Variants in FGD5 observed in about 807,000 individuals in gnomAD.
The protein encoded by FGD5 is FYVE, RhoGEF and PH domain-containing protein 5.
FGD5 carries 28 observed loss-of-function variants against 133.4 expected under a neutral mutation model. The observed-to-expected ratio is 0.21, with a 90% CI of 0.16 to 0.29. The LOEUF (loss-of-function observed/expected upper bound fraction) is 0.29, where lower values mean the gene tolerates loss of function less well. Ranked by LOEUF, FGD5 falls within the 10% of genes least tolerant of loss-of-function variation. The pLI is 1.00. For synonymous variants in FGD5, 810 were observed against 776.5 expected (o/e 1.04, Z -0.72); for missense variants, 1,858 against 1,895.2 (o/e 0.98, Z 0.36).
At chr3:14,874,542 G>A (rs1028690981) in intron 2 of FGD5, among the ~76,000 whole-genome samples, 4 of 152,086 alleles carry the variant, frequency 2.6e-5, no homozygotes, top group African/African-American at 9.7e-5. Flanking sequence ...GTAGAATAGT[G>A]GTTGCCGGGG....
At chr3:14,919,726 T>C (rs1393042781) in intron 13 of FGD5, among the ~76,000 whole-genome samples, 1 of 152,224 alleles carries the variant, frequency 6.6e-6, no homozygotes, top group Non-Finnish European at 1.5e-5. Flanking sequence ...AGGCACTGAC[T>C]GATTCGGTGT....
At chr3:14,911,286 CG>C (rs913958731) in intron 11 of FGD5, among the ~76,000 whole-genome samples, 3 of 152,144 alleles carry the variant, frequency 2.0e-5, no homozygotes, top group Non-Finnish European at 4.4e-5. Context: ...AGGAGCCAAG[CG>C]TTGTGACCCA....
intron 2 of FGD5, among the ~76,000 whole-genome samples, chr3:14,869,582 A>G (rs908353975): frequency 2.0e-5 from 3 of 152,084 alleles, no homozygotes; most frequent in African/African-American, 7.2e-5. Context: ...TGCCCCCTTT[A>G]GACACTGACT....
In FGD5 at chr3:14,880,792, T is replaced by C. The variant is rs777631192; in HGVS notation, c.2748+20T>C. On this transcript the variant is annotated intron_variant, in intron 4 of 19. Coordinates refer to ENST00000285046, the MANE Select transcript of FGD5 (RefSeq NM_152536.4). The stretch of plus-strand genomic sequence containing the variant: ...AATCTGGTGAGTTAATCATTTTAAT[T>C]GTCCAAAACTAATTGCCCTTTTACA... 6.2e-7 allele frequency: 1 copy of C among 1,612,398 alleles called. No homozygotes were observed. Among genetic ancestry groups the C allele is most frequent in the South Asian group, 1.1e-5 (1 of 90,518 alleles).
chr3:14,897,709 A>C, intron 5 of FGD5, 40 bp downstream of exon 5: 1 of 1,558,046 alleles, frequency 6.4e-7, no homozygotes, highest in Non-Finnish European at 8.7e-7. Context: ...CTTTTGTTGC[A>C]CTGGGGGAAT....
In FGD5 at chr3:14,821,001, G is replaced by A. The variant is rs761061123; in HGVS notation, c.1930G>A (p.Asp644Asn). The change falls in exon 1 of 20, where the codon GAC becomes AAC. Residue 644 changes from aspartate to asparagine, a missense_variant. Asp to Asn is a conservative substitution (Grantham distance 23). Coordinates refer to ENST00000285046, the MANE Select transcript of FGD5 (RefSeq NM_152536.4). The part of the protein sequence containing the change: ...PSLLIESDSP[D>N]KYKKKKSSFK... ...ACTCCTGATCGAGAGCGACTCCCCGGACAAGTACAAGAAGAAGAAGTCATC... is the reference window on the plus strand; with the variant it reads ...ACTCCTGATCGAGAGCGACTCCCCGAACAAGTACAAGAAGAAGAAGTCATC... 21 of 1,613,718 alleles carry A rather than the reference G, an allele frequency of 1.3e-5. No homozygotes were observed. The highest frequency in any genetic ancestry group is 1.7e-5 in the Non-Finnish European group (20 of 1,179,880).
At chr3:14,836,054 G>C (rs1448936357) in intron 1 of FGD5, among the ~76,000 whole-genome samples, 1 of 152,210 alleles carries the variant, frequency 6.6e-6, no homozygotes. Flanking sequence ...TAGCTGGCAG[G>C]TGGCAGAGTC....
intron 2 of FGD5, among the ~76,000 whole-genome samples, chr3:14,866,767 T>A (rs1188524120): frequency 6.6e-6 from 1 of 152,222 alleles, no homozygotes; most frequent in African/African-American, 2.4e-5. Context: ...CAGCCGGGAC[T>A]CAGCAGTGAC....
intron 2 of FGD5, among the ~76,000 whole-genome samples, chr3:14,874,932 C>A: frequency 6.6e-6 from 1 of 152,204 alleles, no homozygotes. Flanking sequence ...CTCCTTCTCC[C>A]CTCGCTTGTC....
At chr3:14,902,815 C>T (rs1477626449) in intron 9 of FGD5, among the ~76,000 whole-genome samples, 1 of 152,202 alleles carries the variant, frequency 6.6e-6, no homozygotes, top group Non-Finnish European at 1.5e-5. Flanking sequence ...GCCTCTGCTT[C>T]CAGAGAGAAA....
Position 14,820,046 on chromosome 3 carries a change from C to T in FGD5, c.975C>T (p.Cys325=). Residue 325 remains cysteine (C), a synonymous_variant, in exon 1 of 20, where the codon TGC becomes TGT. Coordinates refer to ENST00000285046, the MANE Select transcript of FGD5 (RefSeq NM_152536.4). The part of the protein sequence containing the change: ...HAQDESAEES[C]QIVPFENDCM... Reference sequence around the variant, plus strand: ...AGGATGAGTCCGCCGAGGAGAGCTGCCAGATTGTCCCTTTTGAGAATGACT... The same window carrying T: ...AGGATGAGTCCGCCGAGGAGAGCTGTCAGATTGTCCCTTTTGAGAATGACT... The T allele has an allele frequency of 6.2e-7, 1 of 1,614,032 alleles. No homozygotes were observed. The highest frequency in any genetic ancestry group is 8.5e-7 in the Non-Finnish European group (1 of 1,179,888).
intron 1 of FGD5, among the ~76,000 whole-genome samples, chr3:14,840,301 C>T (rs1185144939): frequency 1.3e-5 from 2 of 152,062 alleles, no homozygotes; most frequent in East Asian, 3.9e-4. Context: ...TGTGCCACCA[C>T]GCCAGGCTAA....
At chr3:14,826,341 T>C (rs1401596296) in intron 1 of FGD5, among the ~76,000 whole-genome samples, 1 of 151,680 alleles carries the variant, frequency 6.6e-6, no homozygotes, top group African/African-American at 2.4e-5. Context: ...ACTGCCCTCA[T>C]CCATTAGTGC....
chr3:14,925,944 C>A (rs2038794730), intron 17 of FGD5, 126 bp from the exon 18 acceptor site: 1 of 1,264,462 alleles, frequency 7.9e-7, no homozygotes, highest in Non-Finnish European at 1.1e-6. Flanking sequence ...ATCCTGAGAC[C>A]TTATCCAGTG....
Position 14,924,151 on chromosome 3 carries a change from G to A in FGD5, c.4068+13G>A. The A allele has an allele frequency of 6.2e-7, 1 of 1,613,944 alleles. No homozygotes were observed. Among genetic ancestry groups the A allele is most frequent in the Admixed American group, 1.7e-5 (1 of 60,016 alleles). ...AGCCCTGACAGAGGTAAAGCAGGCA[G>A]GGCTACCCAAGTGGGAAGTAGGGCA... On this transcript the variant is annotated intron_variant, in intron 17 of 19. Transcript: ENST00000285046.
intron 4 of FGD5, chr3:14,897,237 C>T (rs779751615): frequency 1.7e-5 from 7 of 414,050 alleles, no homozygotes; most frequent in East Asian, 4.8e-5. Flanking sequence ...GTGGCCACAA[C>T]GAGAGGAGAG....
In FGD5 at chr3:14,898,741, G is replaced by A. The variant is rs189944242; in HGVS notation, c.3069G>A (p.Gln1023=). 627 of 1,580,600 alleles carry A rather than the reference G, an allele frequency of 4.0e-4. No homozygotes were observed. The highest frequency in any genetic ancestry group is 4.9e-4 in the Non-Finnish European group (570 of 1,163,630). The change falls in exon 7 of 20, where the codon CAG becomes CAA. Residue 1023 remains glutamine, a splice_region_variant and synonymous_variant. Transcript: ENST00000285046. ...TTCCTTCCCTGTCTTGAGAGCAGCAGAGTGTACAAGGAGGCAGCCAGACTG... is the reference window on the plus strand; with the variant it reads ...TTCCTTCCCTGTCTTGAGAGCAGCAAAGTGTACAAGGAGGCAGCCAGACTG... ...RLAAAVREFE[Q]SVQGGSQTAK... is the part of the protein sequence containing the mutation.
chr3:14,828,983 G>C (rs1383015267), intron 1 of FGD5, among the ~76,000 whole-genome samples: 1 of 151,930 alleles, frequency 6.6e-6, no homozygotes, highest in African/African-American at 2.4e-5. Flanking sequence ...TAGTAGGGAT[G>C]GGGTTTCACT....
intron 8 of FGD5, 141 bp from the exon 9 acceptor site, chr3:14,900,862 A>G (rs2038225261): frequency 1.2e-6 from 1 of 859,642 alleles, no homozygotes; most frequent in South Asian, 1.5e-5. Context: ...TGAGGCATGC[A>G]TGACAGTGGT....
Sources: gnomAD v4.1 joint callset for allele counts (sites outside exome capture counted in the v4.1 genomes callset) on GRCh38, gnomAD v4.1.1 for gene constraint, MANE v1.5 for transcripts, NCBI Gene and HGNC (gene_info 2026-07-23, HGNC 2026-07-21) for gene names.